Variants in RFTN2 observed in about 807,000 individuals in gnomAD.
RFTN2 encodes raftlin-2.
In RFTN2, 34 loss-of-function variants were observed where a neutral mutation model predicts 52.7. The observed-to-expected ratio is 0.64, with a 90% CI of 0.49 to 0.86. The LOEUF (loss-of-function observed/expected upper bound fraction) is 0.86, where lower values mean the gene tolerates loss of function less well. Among genes scored for constraint, RFTN2 ranks in the 40% least tolerant of loss-of-function variants. The pLI is 0.00. For missense variants in RFTN2, 536 were observed against 600.1 expected, an observed-to-expected ratio of 0.89 and a Z score of 1.12; for synonymous variants, 203 against 217.7, an observed-to-expected ratio of 0.93 and a Z score of 0.59.
At position 197,646,501 on chromosome 2, in the gene RFTN2, A is replaced by T; in HGVS notation, c.305T>A (p.Leu102Gln). ...TGCTTACCTTAATTTCAAGCGCAAT[A>T]GCACCACTCTGTATAGGTAACTTGC... ...LPASYLYRVV[L>Q]LRLKLSPKNS... Residue 102 changes from leucine to glutamine, a missense_variant, in exon 2 of 9, where the codon CTA (leucine) becomes CAA (glutamine). Transcript: ENST00000295049. 4 of 1,613,934 alleles carry T rather than the reference A, an allele frequency of 2.5e-6. No homozygotes were observed. The highest frequency in any genetic ancestry group is 3.4e-6 in the Non-Finnish European group (4 of 1,179,924).
intron 7 of RFTN2, among the ~76,000 whole-genome samples, chr2:197,598,642 T>C (rs1346901309): frequency 1.3e-5 from 2 of 152,178 alleles, no homozygotes; most frequent in Non-Finnish European, 2.9e-5. Flanking sequence ...AACTTTACCG[T>C]GCATTCCAAA....
At chr2:197,646,907 A>AAAC (rs1291095179) in intron 1 of RFTN2, among the ~76,000 whole-genome samples, 4 of 144,502 alleles carry the variant, frequency 2.8e-5, no homozygotes, top group African/African-American at 9.9e-5. Context: ...CAAAAAAAAA[A>AAAC]AAAAAAAAAA....
chr2:197,584,098 T>G (rs1438085671), intron 8 of RFTN2, among the ~76,000 whole-genome samples: 1 of 152,220 alleles, frequency 6.6e-6, no homozygotes, highest in East Asian at 1.9e-4. Context: ...CATGTGCATG[T>G]GTCTTCATGG....
intron 8 of RFTN2, among the ~76,000 whole-genome samples, chr2:197,594,154 G>A (rs1442878643): frequency 6.8e-6 from 1 of 147,870 alleles, no homozygotes; most frequent in Non-Finnish European, 1.5e-5. Flanking sequence ...TAGCTGGTAC[G>A]ACAGGCACGT....
chr2:197,634,688 TTTTA>T (rs2088530585), intron 3 of RFTN2, among the ~76,000 whole-genome samples: 1 of 147,500 alleles, frequency 6.8e-6, no homozygotes, highest in Non-Finnish European at 1.5e-5. Context: ...AATGCTTATT[TTTTA>T]TTTTTTATTT....
intron 7 of RFTN2, among the ~76,000 whole-genome samples, chr2:197,609,981 T>A (rs1022825546): frequency 5.3e-5 from 8 of 152,224 alleles, no homozygotes; most frequent in Non-Finnish European, 1.0e-4. Context: ...TCTATATATC[T>A]GTTTTGGTAC....
chr2:197,576,570 A>G (rs2087423396), intron 8 of RFTN2, among the ~76,000 whole-genome samples: 1 of 152,176 alleles, frequency 6.6e-6, no homozygotes, highest in Non-Finnish European at 1.5e-5. Flanking sequence ...GAAATCAGAT[A>G]CCCAGGCTGA....
At chr2:197,584,149 G>C (rs937186418) in intron 8 of RFTN2, among the ~76,000 whole-genome samples, 2 of 152,128 alleles carry the variant, frequency 1.3e-5, no homozygotes, top group Non-Finnish European at 2.9e-5. Context: ...CCCAGTAATG[G>C]GATGGCTGGG....
At chr2:197,605,592 C>A (rs2087949399) in intron 7 of RFTN2, among the ~76,000 whole-genome samples, 1 of 152,176 alleles carries the variant, frequency 6.6e-6, no homozygotes, top group Non-Finnish European at 1.5e-5. Context: ...ATATCCTGCA[C>A]TTTTCTGACA....
intron 5 of RFTN2, among the ~76,000 whole-genome samples, chr2:197,628,924 T>C (rs909312561): frequency 6.6e-6 from 1 of 152,248 alleles, no homozygotes; most frequent in African/African-American, 2.4e-5. Context: ...GATTTAAACC[T>C]TGGTCTGTCT....
intron 5 of RFTN2, among the ~76,000 whole-genome samples, chr2:197,629,461 G>A (rs963046262): frequency 9.2e-5 from 14 of 152,152 alleles, no homozygotes; most frequent in Admixed American, 8.5e-4. Context: ...AGGGGGATGG[G>A]GGAGGGATAG....
intron 3 of RFTN2, among the ~76,000 whole-genome samples, chr2:197,635,363 AG>A (rs1376826954): frequency 6.6e-6 from 1 of 152,150 alleles, no homozygotes; most frequent in Non-Finnish European, 1.5e-5. Flanking sequence ...ACAGTGTAAA[AG>A]TGTTCCTATT....
chr2:197,635,419 G>T (rs2088549276), intron 3 of RFTN2, among the ~76,000 whole-genome samples: 1 of 152,122 alleles, frequency 6.6e-6, no homozygotes, highest in Non-Finnish European at 1.5e-5. Context: ...ACTTTTTAAT[G>T]ATCACCATTC....
At chr2:197,584,019 T>C (rs2087554302) in intron 8 of RFTN2, among the ~76,000 whole-genome samples, 2 of 152,312 alleles carry the variant, frequency 1.3e-5, no homozygotes, top group South Asian at 2.1e-4. Flanking sequence ...CTTAATCCAG[T>C]CTATCATTGA....
chr2:197,670,263 A>G (rs1171870079), intron 1 of RFTN2, among the ~76,000 whole-genome samples: 2 of 152,194 alleles, frequency 1.3e-5, no homozygotes. Flanking sequence ...GTGTGAGTAT[A>G]CCACAATTTA....
rs745543951 is a variant in RFTN2, at chr2:197,631,160, G to T, written c.779C>A (p.Ala260Asp). ...CATTGACAGGATGCCTTCCTGATAG[G>T]CCCAGGAGGTTGAATCATCATCAAA... ...NAFDDDSTSW[A>D]YQEGILSMKV... Residue 260 changes from alanine (A) to aspartate (D), a missense_variant, in exon 5 of 9, where the codon GCC (alanine) becomes GAC (aspartate). Physicochemically the swap from Ala to Asp is moderately radical, Grantham distance 126. Coordinates refer to ENST00000295049, the MANE Select transcript of RFTN2 (RefSeq NM_144629.3). 3 of 1,613,492 alleles carry T rather than the reference G, an allele frequency of 1.9e-6. No individual in the cohort carries two copies. The highest frequency in any genetic ancestry group is 2.5e-6 in the Non-Finnish European group (3 of 1,179,634).
rs560752393 is a variant in RFTN2 at position 197,585,292 on chromosome 2, C to T, written c.1233+10699G>A. 9.1e-4 allele frequency among the ~76,000 whole-genome samples: 138 copies of T among 152,254 alleles called. 1 individual carries two copies. The highest frequency in any genetic ancestry group is 3.1e-3 in the African/African-American group (130 of 41,534). ...GACTGCACCCCAAAAACTTGTCATCCCTACTGTCTTCTGACTAGTCATACT... is the reference window on the plus strand; with the variant it reads ...GACTGCACCCCAAAAACTTGTCATCTCTACTGTCTTCTGACTAGTCATACT... On this transcript the variant is annotated intron_variant, in intron 8 of 8. Transcript: ENST00000295049.
intron 5 of RFTN2, among the ~76,000 whole-genome samples, chr2:197,619,140 G>T (rs1278824753): frequency 6.6e-6 from 1 of 151,480 alleles, no homozygotes; most frequent in East Asian, 2.0e-4. Flanking sequence ...GAGGTGGGGG[G>T]GGTCAGCCCC....
intron 5 of RFTN2, among the ~76,000 whole-genome samples, chr2:197,623,759 C>T (rs1040274735): frequency 4.6e-5 from 7 of 152,264 alleles, no homozygotes; most frequent in South Asian, 2.1e-4. Context: ...CTCTGCCTCC[C>T]GGGTTCAAGT....
Sources: gnomAD v4.1 joint callset for allele counts (sites outside exome capture counted in the v4.1 genomes callset) on GRCh38, gnomAD v4.1.1 for gene constraint, MANE v1.5 for transcripts, NCBI Gene and HGNC (gene_info 2026-07-23, HGNC 2026-07-21) for gene names.